CNTNAP2: variants seen among roughly 807,000 people sequenced by gnomAD.
CNTNAP2 encodes contactin associated protein 2.
A neutral mutation model predicts 155.2 loss-of-function variants in CNTNAP2; 98 were observed. The ratio of observed to expected loss-of-function variants is 0.63; its 90% confidence interval spans 0.54 to 0.75. The LOEUF is 0.75. CNTNAP2 is among the 30% of genes least tolerant of loss of function. CNTNAP2 has a pLI of 0.00. For synonymous variants in CNTNAP2, 651 were observed against 631.2 expected (o/e 1.03, Z -0.47); for missense variants, 1,727 against 1,688.1 (o/e 1.02, Z -0.40).
Position 148,312,148 on chromosome 7 carries a change from G to A in CNTNAP2, c.3475+45022G>A, listed in dbSNP as rs148992393. Reference sequence around the variant, plus strand: ...TGGCAGCAGCTGCATGCAGACATGAGGGCTAGGCTAAAACAGTAAGGTCAT... The same window carrying A: ...TGGCAGCAGCTGCATGCAGACATGAAGGCTAGGCTAAAACAGTAAGGTCAT... On this transcript the variant is annotated intron_variant, in intron 21 of 23. Transcript: ENST00000361727. 5.0e-3 allele frequency among the ~76,000 whole-genome samples: 760 copies of A among 152,280 alleles called. 8 individuals are homozygous for A. The highest frequency in any genetic ancestry group is 0.017 in the African/African-American group (697 of 41,542).
rs138555217 is a variant in CNTNAP2, at chr7:147,339,610, T to C, written c.1498+39320T>C. Among the ~76,000 whole-genome samples the C allele has an allele frequency of 2.9e-3, 434 of 152,222 alleles. 4 individuals carry two copies. The highest frequency in any genetic ancestry group is 9.6e-3 in the African/African-American group (399 of 41,550). ...TAAGACGAGTACTAAAAATAAAATA[T>C]TCATAGGTGAATATTGTAAAAATTA... On this transcript the variant is annotated intron_variant, in intron 9 of 23. Coordinates refer to ENST00000361727, the MANE Select transcript of CNTNAP2 (RefSeq NM_014141.6).
At chr7:146,507,069 C>G (rs1187909644) in intron 1 of CNTNAP2, among the ~76,000 whole-genome samples, 1 of 152,176 alleles carries the variant, frequency 6.6e-6, no homozygotes, top group African/African-American at 2.4e-5. Context: ...AGGAGCCCCA[C>G]TTTGCTAAGG....
At chr7:148,146,449 A>C (rs146568838) in intron 16 of CNTNAP2, among the ~76,000 whole-genome samples, 2 of 152,368 alleles carry the variant, frequency 1.3e-5, no homozygotes, top group African/African-American at 4.8e-5. Context: ...ATAAAATGTG[A>C]AATTAGAAAG....
intron 1 of CNTNAP2, among the ~76,000 whole-genome samples, chr7:146,667,732 A>T (rs535752278): frequency 7.3e-5 from 11 of 149,784 alleles, no homozygotes; most frequent in South Asian, 4.2e-4. Flanking sequence ...TTTTTTTTGT[A>T]CACTATTATA....
chr7:147,958,058 G>C (rs1207147532), intron 14 of CNTNAP2, among the ~76,000 whole-genome samples: 1 of 152,168 alleles, frequency 6.6e-6, no homozygotes, highest in African/African-American at 2.4e-5. Context: ...CTAAGTGATA[G>C]AGTGAGACTG....
At chr7:147,179,430 C>T (rs1802412549) in intron 8 of CNTNAP2, among the ~76,000 whole-genome samples, 1 of 152,116 alleles carries the variant, frequency 6.6e-6, no homozygotes, top group Non-Finnish European at 1.5e-5. Context: ...AGGAAGAAAA[C>T]TCCAGACAAA....
chr7:147,938,077 T>C (rs1800647157), intron 14 of CNTNAP2, among the ~76,000 whole-genome samples: 1 of 152,204 alleles, frequency 6.6e-6, no homozygotes, highest in South Asian at 2.1e-4. Flanking sequence ...TAGCTTTAAA[T>C]TGGCAGCTAG....
At chr7:147,384,836 C>A (rs1230879066) in intron 9 of CNTNAP2, among the ~76,000 whole-genome samples, 3 of 152,204 alleles carry the variant, frequency 2.0e-5, no homozygotes, top group African/African-American at 7.2e-5. Flanking sequence ...CACTACTGTA[C>A]CCTTCACCCA....
At chr7:147,690,273 C>A (rs566906189) in intron 13 of CNTNAP2, among the ~76,000 whole-genome samples, 20 of 152,276 alleles carry the variant, frequency 1.3e-4, no homozygotes, top group African/African-American at 4.8e-4. Context: ...CAAGACGTAA[C>A]TCTGATACCA....
At chr7:148,322,698 A>G (rs1339780333) in intron 21 of CNTNAP2, among the ~76,000 whole-genome samples, 2 of 150,992 alleles carry the variant, frequency 1.3e-5, no homozygotes, top group Non-Finnish European at 2.9e-5. Context: ...ATCCAACCTT[A>G]TTTCTCCTTT....
At chr7:147,220,832 G>C (rs1444244034) in intron 8 of CNTNAP2, among the ~76,000 whole-genome samples, 2 of 151,968 alleles carry the variant, frequency 1.3e-5, no homozygotes, top group Non-Finnish European at 2.9e-5. Context: ...TCCTGCCTCA[G>C]CCTCCCGAGT....
At position 146,272,492 on chromosome 7, in the gene CNTNAP2, A is replaced by G. The variant is rs533139441; in HGVS notation, c.97+155519A>G. Among the ~76,000 whole-genome samples the G allele has an allele frequency of 2.0e-5, 3 of 152,272 alleles. No homozygotes were observed. In the East Asian group the frequency reaches 5.8e-4, roughly 29 times the overall value. ...TGATAATATGCCACTTTCAGCAATGACCTTGGAGTGAAGTACTCTGGCTCC... is the reference window on the plus strand; with the variant it reads ...TGATAATATGCCACTTTCAGCAATGGCCTTGGAGTGAAGTACTCTGGCTCC... On this transcript the variant is annotated intron_variant, in intron 1 of 23. Coordinates refer to ENST00000361727, the MANE Select transcript of CNTNAP2 (RefSeq NM_014141.6).
At chr7:146,255,493 T>G (rs802560) in intron 1 of CNTNAP2, among the ~76,000 whole-genome samples, 17,832 of 152,206 alleles carry the variant, frequency 0.12, 2,588 homozygotes, top group African/African-American at 0.34. Context: ...AGACATTCAC[T>G]TCTTTGGCTT....
intron 4 of CNTNAP2, among the ~76,000 whole-genome samples, chr7:147,095,596 TCA>T: frequency 6.6e-6 from 1 of 152,004 alleles, no homozygotes; most frequent in African/African-American, 2.4e-5. Flanking sequence ...GTATGTTGTT[TCA>T]TTGTCTTTCA....
intron 1 of CNTNAP2, among the ~76,000 whole-genome samples, chr7:146,383,757 A>G (rs1795422597): frequency 6.6e-6 from 1 of 152,144 alleles, no homozygotes; most frequent in Admixed American, 6.6e-5. Flanking sequence ...TTTTGAGTAA[A>G]GGCACAATAT....
At chr7:146,828,379 C>T (rs1803447395) in intron 2 of CNTNAP2, among the ~76,000 whole-genome samples, 1 of 151,922 alleles carries the variant, frequency 6.6e-6, no homozygotes, top group Non-Finnish European at 1.5e-5. Context: ...AACATAATAG[C>T]TTGCATTTTA....
chr7:147,490,080 T>C (rs1798579399), intron 11 of CNTNAP2, among the ~76,000 whole-genome samples: 1 of 152,222 alleles, frequency 6.6e-6, no homozygotes, highest in Admixed American at 6.5e-5. Context: ...CTTGGAAATT[T>C]ATTAAATGTC....
intron 3 of CNTNAP2, among the ~76,000 whole-genome samples, chr7:146,918,692 G>A (rs898861831): frequency 6.6e-6 from 1 of 152,174 alleles, no homozygotes; most frequent in Non-Finnish European, 1.5e-5. Context: ...TTTCGCAGGT[G>A]TTTTTTGAGC....
At chr7:147,803,190 C>A (rs1235827254) in intron 13 of CNTNAP2, among the ~76,000 whole-genome samples, 1 of 152,126 alleles carries the variant, frequency 6.6e-6, no homozygotes, top group East Asian at 1.9e-4. Flanking sequence ...AATAGAAATT[C>A]AGTTTCTGAC....
Sources: allele counts gnomAD v4.1 joint callset (sites outside exome capture counted in the v4.1 genomes callset), GRCh38; gene constraint gnomAD v4.1.1; transcripts MANE v1.5; gene names NCBI Gene and HGNC (gene_info 2026-07-23, HGNC 2026-07-21).